Variants in KBTBD11 observed in about 807,000 individuals in gnomAD.
The protein encoded by KBTBD11 is kelch repeat and BTB domain containing 11.
For synonymous variants in KBTBD11, 747 were observed against 499.0 expected, an observed-to-expected ratio of 1.50 and a Z score of -6.63; for missense variants, 1,390 against 1,001.8, an observed-to-expected ratio of 1.39 and a Z score of -5.23.
At chr8:1,994,552 A>T (rs1281744736) in intron 1 of KBTBD11, among the ~76,000 whole-genome samples, 1 of 152,250 alleles carries the variant, frequency 6.6e-6, no homozygotes, top group Admixed American at 6.5e-5. Flanking sequence ...TGCATGGCTT[A>T]TAAAATGCAT....
In KBTBD11 at chr8:1,974,690, G is replaced by A. The variant is rs1010038647; in HGVS notation, c.-909+755G>A. The A allele has an allele frequency of 2.2e-5, 22 of 985,442 alleles. No homozygotes were observed. The African/African-American group carries it at 3.5e-4, about 16-fold the overall frequency. 61.0% of individuals were successfully genotyped at this position (985,442 alleles called of 1,614,324 possible). On this transcript the variant is annotated intron_variant, in intron 1 of 1. Coordinates refer to ENST00000320248, the MANE Select transcript of KBTBD11 (RefSeq NM_014867.3). ...CATGTGCTGGGGAGACCCCCGGGCGGTCTGGGCGGGATTCCGCAGGGGTCC... is the reference window on the plus strand; with the variant it reads ...CATGTGCTGGGGAGACCCCCGGGCGATCTGGGCGGGATTCCGCAGGGGTCC...
intron 1 of KBTBD11, among the ~76,000 whole-genome samples, chr8:1,993,921 C>CCACACA (rs1488600793): frequency 2.5e-5 from 1 of 39,302 alleles, no homozygotes; most frequent in East Asian, 2.2e-3. Flanking sequence ...ACAATACCCC[C>CCACACA]TACACACACA....
intron 1 of KBTBD11, 80 bp downstream of exon 1, chr8:1,974,015 C>A (rs1419743928): frequency 1.8e-5 from 4 of 227,648 alleles, no homozygotes; most frequent in South Asian, 1.9e-4. Context: ...TCGGAGGGGG[C>A]GGCGGGTGGG....
In KBTBD11 at chr8:1,973,709, C is replaced by T; in HGVS notation, c.-1135C>T. On this transcript the variant is annotated 5_prime_UTR_variant, in exon 1 of 2. Coordinates refer to ENST00000320248, the MANE Select transcript of KBTBD11 (RefSeq NM_014867.3). ...GCGCGCGCCCCTCGCAGCCTGGAGCCGGAGCGCTGGCTCCGCGCGGCCTGG... is the reference window on the plus strand; with the variant it reads ...GCGCGCGCCCCTCGCAGCCTGGAGCTGGAGCGCTGGCTCCGCGCGGCCTGG... The T allele has an allele frequency of 1.0e-6, 1 of 983,812 alleles. No homozygotes were observed. The allele number at this position is 983,812 out of a possible 1,614,324, so 60.9% of individuals were successfully genotyped here.
intron 1 of KBTBD11, among the ~76,000 whole-genome samples, chr8:1,983,328 G>A (rs1816601853): frequency 6.6e-6 from 1 of 152,170 alleles, no homozygotes; most frequent in South Asian, 2.1e-4. Context: ...CAGCCAGGAT[G>A]TAACAGCCAC....
intron 1 of KBTBD11, among the ~76,000 whole-genome samples, chr8:1,990,258 T>C (rs1279871533): frequency 2.1e-5 from 3 of 142,056 alleles, no homozygotes; most frequent in Non-Finnish European, 4.6e-5. Context: ...ATGCTGGGCC[T>C]TGGCGCCCTG....
intron 1 of KBTBD11, among the ~76,000 whole-genome samples, chr8:1,977,409 C>T (rs943166104): frequency 6.6e-6 from 1 of 152,190 alleles, no homozygotes; most frequent in African/African-American, 2.4e-5. Context: ...AGTGTACCAT[C>T]TTTGTCCTGG....
chr8:1,983,595 G>A (rs1816612187), intron 1 of KBTBD11, among the ~76,000 whole-genome samples: 2 of 152,190 alleles, frequency 1.3e-5, no homozygotes, highest in African/African-American at 4.8e-5. Context: ...TGAGGGTCAA[G>A]CTGATGACTT....
At position 2,001,928 on chromosome 8, in the gene KBTBD11, C is replaced by A. The variant is rs1311434431; in HGVS notation, c.736C>A (p.Gln246Lys). 6.8e-7 allele frequency: 1 copy of A among 1,465,398 alleles called. No homozygotes were observed. 90.8% of individuals were successfully genotyped at this position (1,465,398 alleles called of 1,614,324 possible). Residue 246 changes from glutamine to lysine, a missense_variant, in exon 2 of 2, where the codon CAG becomes AAG. Gln to Lys is a moderately conservative substitution (Grantham distance 53, BLOSUM62 1). Transcript: ENST00000320248. ...CGAGGTCCTGAGCGCGGCCAAGCGG[C>A]AGCGGCTGAACGAGCTGCGCGACGC... Reference protein sequence around the residue: ...CYEVLSAAKRQRLNELRDAAY... With the variant: ...CYEVLSAAKRKRLNELRDAAY...
chr8:1,988,656 A>T (rs1234598345), intron 1 of KBTBD11, among the ~76,000 whole-genome samples: 1 of 152,108 alleles, frequency 6.6e-6, no homozygotes, highest in Non-Finnish European at 1.5e-5. Flanking sequence ...AGTCTCTTCA[A>T]GCCTTTGTCC....
intron 1 of KBTBD11, among the ~76,000 whole-genome samples, chr8:1,984,194 TTGGGAGGCCGAGG>T (rs1348472173): frequency 6.6e-6 from 1 of 151,792 alleles, no homozygotes; most frequent in Non-Finnish European, 1.5e-5. Context: ...TCCAAACACT[TTGGGAGGCCGAGG>T]TGGGAGGATC....
At chr8:1,976,430 G>T (rs144829480) in intron 1 of KBTBD11, 1 of 152,170 alleles carries the variant, frequency 6.6e-6, no homozygotes, top group Non-Finnish European at 1.5e-5. Flanking sequence ...CAACAGCCAG[G>T]TTCCTGCTAG....
At position 2,002,867 on chromosome 8, in the gene KBTBD11, G is replaced by T; in HGVS notation, c.1675G>T (p.Asp559Tyr). The T allele has an allele frequency of 7.3e-7, 1 of 1,367,710 alleles. No individual in the cohort carries two copies. The highest frequency in any genetic ancestry group is 1.5e-5 in the African/African-American group (1 of 65,168). 84.7% of individuals were successfully genotyped at this position (1,367,710 alleles called of 1,614,324 possible). The change falls in exon 2 of 2, where the codon GAC becomes TAC. Residue 559 changes from aspartate (D) to tyrosine (Y), a missense_variant. By Grantham distance (160) the Asp-to-Tyr change is radical (BLOSUM62 -3). Coordinates refer to ENST00000320248, the MANE Select transcript of KBTBD11 (RefSeq NM_014867.3). The surrounding 1 kb of genome is among the most constrained non-coding windows in gnomAD (Gnocchi z 4.1). ...GLQPFRCAAL[D>Y]GAIYCVSRAG... ...GCAGCCCTTCCGCTGCGCCGCCCTG[G>T]ACGGCGCCATCTACTGCGTGAGCCG... is the stretch of plus-strand genomic sequence containing the variant.
intron 1 of KBTBD11, among the ~76,000 whole-genome samples, chr8:1,985,986 G>C (rs1347893896): frequency 6.6e-6 from 1 of 152,240 alleles, no homozygotes; most frequent in African/African-American, 2.4e-5. Context: ...ATCTGGATAT[G>C]AAACTGTCTC....
intron 1 of KBTBD11, among the ~76,000 whole-genome samples, chr8:1,993,587 A>G (rs1817017642): frequency 7.3e-6 from 1 of 136,506 alleles, no homozygotes; most frequent in Non-Finnish European, 1.5e-5. Context: ...CCATCCATCC[A>G]TCCAGTTGCC....
Position 1,989,621 on chromosome 8 carries a change from G to A in KBTBD11, c.-908-10664G>A, listed in dbSNP as rs200182463. Among the ~76,000 whole-genome samples, 6 of 152,320 alleles carry A rather than the reference G, an allele frequency of 3.9e-5. No individual in the cohort carries two copies. The East Asian group carries it at 1.2e-3, about 29-fold the overall frequency. On this transcript the variant is annotated intron_variant, in intron 1 of 1. Coordinates refer to ENST00000320248, the MANE Select transcript of KBTBD11 (RefSeq NM_014867.3). ...TAATCAGATACAGGAAGCAGATCAG[G>A]AAATCTATGCAACAAGTTTCACAGC... is the stretch of plus-strand genomic sequence containing the variant.
chr8:1,978,007 T>C (rs1188691344), intron 1 of KBTBD11, among the ~76,000 whole-genome samples: 2 of 152,254 alleles, frequency 1.3e-5, no homozygotes, highest in Non-Finnish European at 2.9e-5. Context: ...CATTTATTTA[T>C]ATTTTAAGTT....
intron 1 of KBTBD11, among the ~76,000 whole-genome samples, chr8:1,995,604 T>C (rs549046463): frequency 1.3e-5 from 2 of 152,288 alleles, no homozygotes; most frequent in South Asian, 4.1e-4. Flanking sequence ...CCCTTCTTGC[T>C]TCACCCACCC....
intron 1 of KBTBD11, among the ~76,000 whole-genome samples, chr8:1,979,764 GGGT>G (rs1816477686): frequency 6.7e-5 from 2 of 29,982 alleles, no homozygotes; most frequent in African/African-American, 1.5e-4. Context: ...TGGCAGACAG[GGGT>G]GTGTGGCCCA....
Sources: allele counts gnomAD v4.1 joint callset (sites outside exome capture counted in the v4.1 genomes callset), GRCh38; gene constraint gnomAD v4.1.1; non-coding constraint Gnocchi (gnomAD v3.1); transcripts MANE v1.5; gene names NCBI Gene and HGNC (gene_info 2026-07-23, HGNC 2026-07-21).